RBMS3: variants seen among roughly 807,000 people sequenced by gnomAD.
The protein encoded by RBMS3 is RNA-binding motif, single-stranded-interacting protein 3.
RBMS3 carries 27 observed loss-of-function variants against 66.8 expected under a neutral mutation model. The ratio of observed to expected loss-of-function variants is 0.40; its 90% CI spans 0.30 to 0.56. The LOEUF (loss-of-function observed/expected upper bound fraction) is 0.56, where lower values mean the gene tolerates loss of function less well. Among genes scored for constraint, RBMS3 ranks in the 20% least tolerant of loss-of-function variants. The pLI is 0.40. For missense variants in RBMS3, 513 were observed against 549.5 expected (o/e 0.93, Z 0.66); for synonymous variants, 188 against 183.0 (o/e 1.03, Z -0.22).
chr3:29,692,435 A>G (rs2052067994), intron 4 of RBMS3, among the ~76,000 whole-genome samples: 1 of 152,178 alleles, frequency 6.6e-6, no homozygotes, highest in African/African-American at 2.4e-5. Flanking sequence ...AACAATAAGC[A>G]TTATTATGCT....
chr3:29,336,812 C>T (rs769255651), intron 1 of RBMS3, among the ~76,000 whole-genome samples: 1 of 152,070 alleles, frequency 6.6e-6, no homozygotes, highest in Non-Finnish European at 1.5e-5. Context: ...CCTGCTTTGC[C>T]ATCATGTTTT....
At chr3:29,633,078 G>A (rs1037712877) in intron 4 of RBMS3, among the ~76,000 whole-genome samples, 2 of 151,762 alleles carry the variant, frequency 1.3e-5, no homozygotes, top group Admixed American at 6.6e-5. Flanking sequence ...TCCTACTGAA[G>A]TATGATCCCT....
intron 7 of RBMS3, among the ~76,000 whole-genome samples, 173 bp downstream of exon 7, chr3:29,869,137 G>T (rs1008561290): frequency 6.6e-6 from 1 of 152,104 alleles, no homozygotes; most frequent in Non-Finnish European, 1.5e-5. Context: ...AATTATTGAG[G>T]AGTAGAGGAT....
intron 4 of RBMS3, among the ~76,000 whole-genome samples, chr3:29,697,464 G>A (rs182909337): frequency 8.5e-5 from 13 of 152,234 alleles, no homozygotes; most frequent in Non-Finnish European, 1.5e-4. Context: ...ACCTATCTGA[G>A]CTACCTTGTT....
At chr3:29,747,443 T>C (rs1199368510) in intron 5 of RBMS3, among the ~76,000 whole-genome samples, 7 of 140,630 alleles carry the variant, frequency 5.0e-5, no homozygotes, top group African/African-American at 1.9e-4. Context: ...GATAGATAGA[T>C]AGATAGATGT....
At chr3:29,592,760 A>G (rs1256640803) in intron 4 of RBMS3, among the ~76,000 whole-genome samples, 5 of 152,116 alleles carry the variant, frequency 3.3e-5, no homozygotes, top group Admixed American at 2.6e-4. Context: ...AACCAACCCA[A>G]ATGTCCATCG....
intron 11 of RBMS3, 97 bp from the exon 12 acceptor site, chr3:29,944,110 A>G: frequency 9.0e-7 from 1 of 1,111,664 alleles, no homozygotes; most frequent in South Asian, 1.3e-5. Flanking sequence ...AGGCAACCAT[A>G]TGACACACAG....
chr3:29,368,422 C>CCT (rs2038021130), intron 1 of RBMS3, among the ~76,000 whole-genome samples: 1 of 151,886 alleles, frequency 6.6e-6, no homozygotes, highest in African/African-American at 2.4e-5. Flanking sequence ...ACGTTATCCC[C>CCT]AATGCCTAGT....
intron 4 of RBMS3, among the ~76,000 whole-genome samples, chr3:29,668,919 G>GC (rs1316827486): frequency 1.3e-5 from 2 of 152,222 alleles, no homozygotes; most frequent in African/African-American, 4.8e-5. Context: ...TTAGATCCCT[G>GC]CCTGTAGTGG....
chr3:29,848,210 G>A (rs1204591572), intron 6 of RBMS3, among the ~76,000 whole-genome samples: 6 of 152,176 alleles, frequency 3.9e-5, no homozygotes. Flanking sequence ...GTTTCACACA[G>A]CAGTCAGCCA....
intron 4 of RBMS3, among the ~76,000 whole-genome samples, chr3:29,641,695 T>C (rs916664391): frequency 4.6e-5 from 7 of 152,072 alleles, no homozygotes; most frequent in African/African-American, 1.7e-4. Flanking sequence ...AACATTTGAA[T>C]TTAAAAAATG....
At position 29,444,061 on chromosome 3, in the gene RBMS3, C is replaced by T. The variant is rs576100118; in HGVS notation, c.248+9146C>T. On this transcript the variant is annotated intron_variant, in intron 2 of 14. Coordinates refer to ENST00000383767, the MANE Select transcript of RBMS3 (RefSeq NM_001003793.3). ...GACTGTATTATACATCTAAAATGAGCTTTGCATTGGGAGTTTAATATCTGA... is the reference window on the plus strand; with the variant it reads ...GACTGTATTATACATCTAAAATGAGTTTTGCATTGGGAGTTTAATATCTGA... Among the ~76,000 whole-genome samples, 7 of 152,138 alleles carry T rather than the reference C, an allele frequency of 4.6e-5. 1 individual carries two copies. The highest frequency in any genetic ancestry group is 1.4e-4 in the African/African-American group (6 of 41,536).
chr3:29,316,169 T>C (rs780700513), intron 1 of RBMS3, among the ~76,000 whole-genome samples: 7 of 151,752 alleles, frequency 4.6e-5, no homozygotes, highest in Non-Finnish European at 7.4e-5. Context: ...CTGGTATGAA[T>C]GTGCCAGATA....
At chr3:29,424,733 C>T (rs938134743) in intron 1 of RBMS3, among the ~76,000 whole-genome samples, 2 of 152,040 alleles carry the variant, frequency 1.3e-5, no homozygotes, top group Admixed American at 6.6e-5. Context: ...CAGTAATTTT[C>T]GTTATACGTA....
chr3:29,828,069 T>C (rs1027228752), intron 6 of RBMS3, among the ~76,000 whole-genome samples: 3 of 151,730 alleles, frequency 2.0e-5, no homozygotes, highest in East Asian at 3.9e-4. Context: ...TGTGTGTATG[T>C]GTGTGTGTGT....
At chr3:29,842,265 A>G (rs985019175) in intron 6 of RBMS3, among the ~76,000 whole-genome samples, 2 of 152,126 alleles carry the variant, frequency 1.3e-5, no homozygotes, top group African/African-American at 4.8e-5. Flanking sequence ...TGCATCTTGG[A>G]TAAACTGAAT....
At chr3:29,645,506 G>A (rs1319261449) in intron 4 of RBMS3, among the ~76,000 whole-genome samples, 1 of 152,118 alleles carries the variant, frequency 6.6e-6, no homozygotes, top group African/African-American at 2.4e-5. Flanking sequence ...GTTAACTTCT[G>A]TACAAAGAGT....
At chr3:29,687,847 C>T (rs533922290) in intron 4 of RBMS3, among the ~76,000 whole-genome samples, 42 of 152,206 alleles carry the variant, frequency 2.8e-4, no homozygotes, top group African/African-American at 9.9e-4. Flanking sequence ...TTAGTTGTAG[C>T]AACTAGCTTC....
chr3:29,711,448 A>G (rs2053165675), intron 4 of RBMS3, among the ~76,000 whole-genome samples: 1 of 152,190 alleles, frequency 6.6e-6, no homozygotes, highest in Non-Finnish European at 1.5e-5. Context: ...TGGCCTGAGT[A>G]TGAATAACTG....
Sources: gnomAD v4.1 joint callset for allele counts (sites outside exome capture counted in the v4.1 genomes callset) on GRCh38, gnomAD v4.1.1 for gene constraint, MANE v1.5 for transcripts, NCBI Gene and HGNC (gene_info 2026-07-23, HGNC 2026-07-21) for gene names.